Variants in OTUD7A observed in about 807,000 individuals in gnomAD.
The protein encoded by OTUD7A is OTU domain-containing protein 7A.
OTUD7A carries 12 observed loss-of-function variants against 65.7 expected under a neutral mutation model. That is an observed-to-expected ratio of 0.18 (90% CI 0.12 to 0.30). OTUD7A has a LOEUF of 0.30. Among genes scored for constraint, OTUD7A ranks in the 10% least tolerant of loss-of-function variants. The pLI, the probability that OTUD7A is intolerant of heterozygous loss-of-function variation, is 1.00. For missense variants in OTUD7A, 1,148 were observed against 1,304.8 expected (o/e 0.88, Z 1.85); for synonymous variants, 641 against 586.3 (o/e 1.09, Z -1.35).
chr15:31,776,644 A>C (rs1895388774), intron 1 of OTUD7A, among the ~76,000 whole-genome samples: 1 of 152,228 alleles, frequency 6.6e-6, no homozygotes, highest in African/African-American at 2.4e-5. Flanking sequence ...AAAGACCCCA[A>C]GACTTAGGAA....
chr15:31,607,775 G>C (rs919465266), intron 3 of OTUD7A, among the ~76,000 whole-genome samples: 1 of 152,220 alleles, frequency 6.6e-6, no homozygotes, highest in Non-Finnish European at 1.5e-5. Flanking sequence ...CCTAGGAACA[G>C]TAGGCTATAC....
At chr15:31,689,687 C>G (rs1377975736) in intron 1 of OTUD7A, among the ~76,000 whole-genome samples, 2 of 152,216 alleles carry the variant, frequency 1.3e-5, no homozygotes, top group African/African-American at 2.4e-5. Flanking sequence ...CACACGATCC[C>G]ACCCTTTAAT....
intron 1 of OTUD7A, among the ~76,000 whole-genome samples, chr15:31,775,482 T>C (rs781078086): frequency 2.0e-5 from 3 of 152,236 alleles, no homozygotes; most frequent in Non-Finnish European, 2.9e-5. Context: ...ACAGAAGACC[T>C]GGCTTGCTGG....
chr15:31,484,220 T>G lies in OTUD7A; in HGVS notation c.1876A>C (p.Lys626Gln). ...GCGCGCAGGATGTTGAGGCTCAGCT[T>G]CACATCCGTGCTGTACTTCCAGGCG... ...GDAWKYSTDV[K>Q]LSLNILRAAM... The change falls in exon 13 of 13, where the codon AAG becomes CAG. Residue 626 changes from lysine (K) to glutamine (Q), a missense_variant. Physicochemically the swap from Lys to Gln is moderately conservative, Grantham distance 53 (BLOSUM62 1). Transcript: ENST00000307050. The surrounding 1 kb of genome is among the most constrained non-coding windows in gnomAD (Gnocchi z 4.5). 1 of 1,607,612 alleles carries G rather than the reference T, an allele frequency of 6.2e-7. No homozygotes were observed.
intron 1 of OTUD7A, among the ~76,000 whole-genome samples, chr15:31,865,455 T>C (rs964320810): frequency 6.6e-6 from 1 of 152,128 alleles, no homozygotes; most frequent in Non-Finnish European, 1.5e-5. Flanking sequence ...ACACTGTGCA[T>C]TGTGTGGTCT....
rs1336207607 is a variant in OTUD7A at position 31,558,992 on chromosome 15, GT to G, written c.526del (p.Thr176GlnfsTer11). 1 of 1,614,202 alleles carries G rather than the reference GT, an allele frequency of 6.2e-7. No individual in the cohort carries two copies. ...ACCTGCCTGCTCCAAAGCCACCATT[GT>G]TGCCTGCTCGATCAAGTCCCGCTCG... The part of the protein sequence containing the change: ...FIERDLIEQA[T>X]MVALEQAGRL... On this transcript the variant is annotated frameshift_variant, in exon 5 of 13. Transcript: ENST00000307050. LOFTEE classifies it high-confidence loss of function.
At chr15:31,780,410 A>T (rs1164980296) in intron 1 of OTUD7A, among the ~76,000 whole-genome samples, 3 of 152,272 alleles carry the variant, frequency 2.0e-5, no homozygotes, top group Admixed American at 1.3e-4. Flanking sequence ...TAAAAAAAGT[A>T]TAAAAAACCT....
chr15:31,744,737 G>T (rs1168026411), intron 1 of OTUD7A, among the ~76,000 whole-genome samples: 1 of 152,064 alleles, frequency 6.6e-6, no homozygotes, highest in Non-Finnish European at 1.5e-5. Context: ...AAGGAAAAAT[G>T]AAAAGTTTTG....
At chr15:31,802,986 C>A (rs779854231) in intron 1 of OTUD7A, among the ~76,000 whole-genome samples, 1 of 152,150 alleles carries the variant, frequency 6.6e-6, no homozygotes, top group Admixed American at 6.5e-5. Flanking sequence ...GGCCTCTAGG[C>A]GCCTCTAAGT....
chr15:31,602,051 C>G (rs1477970039), intron 3 of OTUD7A, among the ~76,000 whole-genome samples: 1 of 152,198 alleles, frequency 6.6e-6, no homozygotes, highest in African/African-American at 2.4e-5. Context: ...ACCATTCCTT[C>G]TGAAACTATT....
chr15:31,763,238 G>A (rs531438244), intron 1 of OTUD7A, among the ~76,000 whole-genome samples: 109 of 152,162 alleles, frequency 7.2e-4, no homozygotes, highest in Middle Eastern at 3.4e-3. Context: ...AGCAGAGATC[G>A]TGCCACTGCA....
chr15:31,484,007 TGG>T lies in OTUD7A; in HGVS notation c.2087_2088del (p.Ala696AspfsTer188). Reference sequence around the variant, plus strand: ...GGTCTGCGCGGCGGCCGCTTGGCCGTGGCGGCGGCGGCGGCGGCGGCAGCGGC... The same window carrying T: ...GGTCTGCGCGGCGGCCGCTTGGCCGTCGGCGGCGGCGGCGGCGGCAGCGGC... ...AAAAAAAAAAATAKRPPRRPE... is the reference protein window; with the variant it reads ...AAAAAAAAAAXTAKRPPRRPE... On this transcript the variant is annotated frameshift_variant, in exon 13 of 13. Coordinates refer to ENST00000307050, the MANE Select transcript of OTUD7A (RefSeq NM_001382637.1). LOFTEE classifies it low-confidence loss of function (END_TRUNC). The surrounding 1 kb of genome is among the most constrained non-coding windows in gnomAD (Gnocchi z 4.5). 8.6e-7 allele frequency: 1 copy of T among 1,165,830 alleles called. No individual in the cohort carries two copies. The highest frequency in any genetic ancestry group is 4.2e-5 in the South Asian group (1 of 24,082). The allele number at this position is 1,165,830 out of a possible 1,614,324, so 72.2% of individuals were successfully genotyped here. A position where few individuals can be genotyped will look rare whatever the true frequency, so the allele number is the denominator to read the frequency against.
intron 1 of OTUD7A, among the ~76,000 whole-genome samples, chr15:31,828,988 C>G (rs1393736700): frequency 6.6e-6 from 1 of 152,178 alleles, no homozygotes; most frequent in Non-Finnish European, 1.5e-5. Context: ...TGCTCATGCT[C>G]ATTTCCTTTT....
chr15:31,520,294 A>C (rs1284644096), intron 8 of OTUD7A, among the ~76,000 whole-genome samples: 1 of 152,246 alleles, frequency 6.6e-6, no homozygotes, highest in African/African-American at 2.4e-5. Context: ...ACAGACACAT[A>C]GATCAATGGA....
chr15:31,586,938 C>A (rs1339524003), intron 3 of OTUD7A, among the ~76,000 whole-genome samples: 1 of 152,044 alleles, frequency 6.6e-6, no homozygotes, highest in African/African-American at 2.4e-5. Context: ...CTTCTCCACC[C>A]ACATTGCCCG....
At chr15:31,836,687 A>G (rs1897062799) in intron 1 of OTUD7A, among the ~76,000 whole-genome samples, 1 of 152,194 alleles carries the variant, frequency 6.6e-6, no homozygotes, top group African/African-American at 2.4e-5. Flanking sequence ...GGCTAGTTTG[A>G]TATTTTTAAA....
intron 1 of OTUD7A, among the ~76,000 whole-genome samples, chr15:31,782,910 C>G (rs545517978): frequency 1.1e-4 from 17 of 152,218 alleles, no homozygotes; most frequent in African/African-American, 2.2e-4. Flanking sequence ...TGGAGTTCAG[C>G]AGAAAGTTCT....
At chr15:31,496,423 C>T (rs951801926) in intron 10 of OTUD7A, among the ~76,000 whole-genome samples, 2 of 152,052 alleles carry the variant, frequency 1.3e-5, no homozygotes, top group African/African-American at 4.8e-5. Context: ...GGGGTTTCAC[C>T]ATGTTAGCCA....
chr15:31,487,167 G>T lies in OTUD7A; in HGVS notation c.1371+27C>A, dbSNP rs1350846266. ...TGAGCAGCCTGGACCCTGCTGCCAG[G>T]TCTGGTCCCAGCACAGCCAGGCTCA... On this transcript the variant is annotated intron_variant, in intron 12 of 12. Transcript: ENST00000307050. This position sits in a 1 kb window ranked among gnomAD's most constrained non-coding sequence, Gnocchi z 6.0. The T allele has an allele frequency of 6.9e-6, 11 of 1,605,002 alleles. No homozygotes were observed. Among genetic ancestry groups the T allele is most frequent in the Non-Finnish European group, 8.5e-6 (10 of 1,173,000 alleles).
Sources: gnomAD v4.1 joint callset for allele counts (sites outside exome capture counted in the v4.1 genomes callset) on GRCh38, gnomAD v4.1.1 for gene constraint, Gnocchi (gnomAD v3.1) non-coding constraint, MANE v1.5 for transcripts, NCBI Gene and HGNC (gene_info 2026-07-23, HGNC 2026-07-21) for gene names.